Variants in LETM1 observed in about 807,000 individuals in gnomAD.
LETM1 encodes mitochondrial proton/calcium exchanger protein.
Under a neutral mutation model 74.5 loss-of-function variants are expected in LETM1, and 50 were observed. That is an observed-to-expected ratio of 0.67 (90% CI 0.53 to 0.85). LETM1 has a LOEUF of 0.85. Ranked by LOEUF, LETM1 falls within the 40% of genes least tolerant of loss-of-function variation. The pLI is 0.00. For missense variants in LETM1, 824 were observed against 967.8 expected (o/e 0.85, Z 1.97); for synonymous variants, 446 against 407.1 (o/e 1.10, Z -1.15).
chr4:1,818,276 A>T (rs1313069631), intron 11 of LETM1, among the ~76,000 whole-genome samples: 1 of 152,212 alleles, frequency 6.6e-6, no homozygotes, highest in Non-Finnish European at 1.5e-5. Flanking sequence ...CAATTGAAAA[A>T]TCAGTTATCA....
Position 1,841,611 on chromosome 4 carries a change from A to G in LETM1, c.330T>C (p.Ser110=). ...CCGAGTCATCGCGAACAGGGCGCGA[A>G]GAGTGCCAGCCACGCACAGGAAGGC... ...PQCLPVRGWH[S]SRPVRDDSVV... is the part of the protein sequence containing the mutation. The change falls in exon 3 of 14, where the codon TCT becomes TCC. Residue 110 remains serine, a synonymous_variant. Transcript: ENST00000302787. 6.2e-7 allele frequency: 1 copy of G among 1,614,236 alleles called. No individual in the cohort carries two copies. Among genetic ancestry groups the G allele is most frequent in the Non-Finnish European group, 8.5e-7 (1 of 1,180,044 alleles).
In LETM1 at chr4:1,811,721, C is replaced by T. The variant is rs1332539391; in HGVS notation, c.*2703G>A. The T allele has an allele frequency of 6.6e-6, 1 of 152,266 alleles. No individual in the cohort carries two copies. Among genetic ancestry groups the T allele is most frequent in the Admixed American group, 6.5e-5 (1 of 15,284 alleles). 9.4% of individuals were successfully genotyped at this position (152,266 alleles called of 1,614,324 possible). ...CCACTGTGAGCCACTGCGGGGTGTC[C>T]TTCATTTAAAAAAAGTCTGGACTGT... On this transcript the variant is annotated 3_prime_UTR_variant, in exon 14 of 14. Transcript: ENST00000302787.
intron 1 of LETM1, among the ~76,000 whole-genome samples, chr4:1,851,081 A>G (rs957377030): frequency 1.3e-5 from 2 of 152,214 alleles, no homozygotes; most frequent in African/African-American, 4.8e-5. Context: ...AGTTCCTATA[A>G]GCATAAAGTC....
At chr4:1,816,679 C>T (rs763120191) in intron 12 of LETM1, 48 bp downstream of exon 12, 1 of 1,573,590 alleles carries the variant, frequency 6.4e-7, no homozygotes, top group Non-Finnish European at 8.7e-7. Context: ...GGACCAGCCT[C>T]CCTATGTGAG....
Position 1,815,689 on chromosome 4 carries a change from T to C in LETM1, c.2045A>G (p.Lys682Arg). The change falls in exon 13 of 14, where the codon AAG becomes AGG. Residue 682 changes from lysine (K) to arginine (R), a missense_variant. This residue lies in a region of LETM1 where 161 missense variants were observed against 252.7 expected (regional missense o/e 0.64). Transcript: ENST00000302787. ...CTTGACGAGGTCGTCGATGTTGACC[T>C]TGCCATCCTTGTTTTCATCCAGTGC... The part of the protein sequence containing the change: ...AAALDENKDG[K>R]VNIDDLVKVI... The C allele has an allele frequency of 6.2e-7, 1 of 1,614,226 alleles. No homozygotes were observed. The highest frequency in any genetic ancestry group is 8.5e-7 in the Non-Finnish European group (1 of 1,180,032).
rs375205031 is a variant in LETM1 at position 1,816,284 on chromosome 4, A to C, written c.1931+443T>G. On this transcript the variant is annotated intron_variant, in intron 12 of 13. Coordinates refer to ENST00000302787, the MANE Select transcript of LETM1 (RefSeq NM_012318.3). ...CCAGCAGTCACCCAACAGCTGTTTC[A>C]TTCGCCCAGAAGGGACTCACAAAAC... Among the ~76,000 whole-genome samples, 3 of 152,342 alleles carry C rather than the reference A, an allele frequency of 2.0e-5. No homozygotes were observed. The East Asian group carries it at 5.8e-4, about 29-fold the overall frequency.
rs567135273 is a variant in LETM1, at chr4:1,822,899, C to T, written c.1476+89G>A. The T allele has an allele frequency of 3.8e-5, 45 of 1,181,386 alleles. 1 individual carries two copies. The South Asian group carries it at 9.5e-4, about 25-fold the overall frequency. 73.2% of individuals were successfully genotyped at this position (1,181,386 alleles called of 1,614,324 possible). On this transcript the variant is annotated intron_variant, in intron 9 of 13. Coordinates refer to ENST00000302787, the MANE Select transcript of LETM1 (RefSeq NM_012318.3). ...AGGACAGAGCTGCAGGGCAAGCATG[C>T]GGGAGGCCAAGACTGTGGGCGTGCG...
At chr4:1,850,954 AGAG>A (rs1196680834) in intron 1 of LETM1, among the ~76,000 whole-genome samples, 1 of 151,604 alleles carries the variant, frequency 6.6e-6, no homozygotes, top group Non-Finnish European at 1.5e-5. Context: ...AAAAAAAAAA[AGAG>A]AAGAACCACA....
At chr4:1,837,181 A>G (rs1712487185) in intron 3 of LETM1, among the ~76,000 whole-genome samples, 2 of 152,306 alleles carry the variant, frequency 1.3e-5, no homozygotes, top group Non-Finnish European at 2.9e-5. Flanking sequence ...GGTGCTGCTC[A>G]CAGGGGTCCC....
chr4:1,844,154 AG>A (rs1375342647), intron 2 of LETM1, among the ~76,000 whole-genome samples: 1 of 152,246 alleles, frequency 6.6e-6, no homozygotes, highest in East Asian at 1.9e-4. Flanking sequence ...CAGTGAAGGC[AG>A]GGAGCCATCC....
rs745816590 is a variant in LETM1, at chr4:1,822,331, C to A, written c.1477-19G>T. The A allele has an allele frequency of 6.8e-7, 1 of 1,468,572 alleles. No homozygotes were observed. The highest frequency in any genetic ancestry group is 2.2e-5 in the Admixed American group (1 of 44,808). The allele number at this position is 1,468,572 out of a possible 1,614,324, so 91.0% of individuals were successfully genotyped here. On this transcript the variant is annotated intron_variant, in intron 9 of 13. Transcript: ENST00000302787. ...AATCCTTCTGAAAGGCAAGGCGACA[C>A]CAGCCCAGCGCCCGCCATCACACAG...
At position 1,819,401 on chromosome 4, in the gene LETM1, C is replaced by T. The variant is rs768579865; in HGVS notation, c.1680G>A (p.Lys560=). The T allele has an allele frequency of 6.2e-7, 1 of 1,613,902 alleles. No homozygotes were observed. The highest frequency in any genetic ancestry group is 2.2e-5 in the East Asian group (1 of 44,862). The change falls in exon 11 of 14, where the codon AAG becomes AAA. Residue 560 remains lysine (K), a synonymous_variant. Transcript: ENST00000302787. Reference sequence around the variant, plus strand: ...GCTCCTCCTTCTCCTTGGTGAGTGACTTCTTCTGCTCCTGCAGCTTAGAGC... The same window carrying T: ...GCTCCTCCTTCTCCTTGGTGAGTGATTTCTTCTGCTCCTGCAGCTTAGAGC... The part of the protein sequence containing the change: ...DACSKLQEQK[K]SLTKEKEELE...
intron 1 of LETM1, among the ~76,000 whole-genome samples, chr4:1,849,833 C>T (rs1417741661): frequency 3.3e-5 from 5 of 151,482 alleles, no homozygotes; most frequent in African/African-American, 1.2e-4. Flanking sequence ...CAGGCGTGAG[C>T]CACCACTCCC....
intron 3 of LETM1, among the ~76,000 whole-genome samples, chr4:1,839,906 G>C (rs11937139): frequency 0.062 from 9,404 of 151,996 alleles, 963 homozygotes; most frequent in African/African-American, 0.22. Context: ...ACGGTCTCTT[G>C]ACCTGCATCC....
chr4:1,819,814 G>GTCCACC (rs988268971), intron 10 of LETM1, among the ~76,000 whole-genome samples: 32 of 152,296 alleles, frequency 2.1e-4, no homozygotes, highest in African/African-American at 7.2e-4. Context: ...GCAACCTCAG[G>GTCCACC]TCCTGCCACT....
intron 10 of LETM1, among the ~76,000 whole-genome samples, chr4:1,820,650 C>T (rs1356128348): frequency 1.3e-5 from 2 of 152,236 alleles, no homozygotes; most frequent in African/African-American, 4.8e-5. Context: ...ATACTGGGTT[C>T]TGCCACAGGC....
chr4:1,835,305 C>T (rs1712424431), intron 4 of LETM1, among the ~76,000 whole-genome samples: 2 of 151,896 alleles, frequency 1.3e-5, no homozygotes. Context: ...ATTAGCCAGG[C>T]ATGCACACCT....
chr4:1,819,799 C>T (rs1711711234), intron 10 of LETM1, among the ~76,000 whole-genome samples: 1 of 152,236 alleles, frequency 6.6e-6, no homozygotes, highest in Admixed American at 6.5e-5. Context: ...GCCACCGACC[C>T]CCAGGCAACC....
chr4:1,834,473 T>C lies in LETM1; in HGVS notation c.876+372A>G, dbSNP rs1360851243. Reference sequence around the variant, plus strand: ...CCAGCCCCTGGGACCTGGGATCTTCTTGACTGACTCCAGCCAGAGGGCAAT... The same window carrying C: ...CCAGCCCCTGGGACCTGGGATCTTCCTGACTGACTCCAGCCAGAGGGCAAT... On this transcript the variant is annotated intron_variant, in intron 5 of 13. Transcript: ENST00000302787. The surrounding 1 kb of genome is among the most constrained non-coding windows in gnomAD (Gnocchi z 5.0). 9.6e-7 allele frequency: 1 copy of C among 1,043,286 alleles called. No individual in the cohort carries two copies. Among genetic ancestry groups the C allele is most frequent in the African/African-American group, 1.7e-5 (1 of 58,712 alleles). 64.6% of individuals were successfully genotyped at this position (1,043,286 alleles called of 1,614,324 possible).
Sources: allele counts gnomAD v4.1 joint callset (sites outside exome capture counted in the v4.1 genomes callset), GRCh38; gene constraint gnomAD v4.1.1; regional missense constraint gnomAD v4.1.1; non-coding constraint Gnocchi (gnomAD v3.1); transcripts MANE v1.5; gene names NCBI Gene and HGNC (gene_info 2026-07-23, HGNC 2026-07-21).